COTL1: variants seen among roughly 807,000 people sequenced by gnomAD.
COTL1 encodes the protein coactosin like F-actin binding protein 1, also known as coactosin-like protein.
COTL1 carries 15 observed loss-of-function variants against 16.5 expected under a neutral mutation model. The observed-to-expected ratio is 0.91, with a 90% confidence interval of 0.61 to 1.40. The LOEUF (loss-of-function observed/expected upper bound fraction) is 1.40, where lower values mean the gene tolerates loss of function less well. Ranked by LOEUF, COTL1 falls within the 40% of genes most tolerant of loss-of-function variation. The pLI, the probability that COTL1 is intolerant of heterozygous loss-of-function variation, is 0.00. For missense variants in COTL1, 220 were observed against 201.5 expected, an observed-to-expected ratio of 1.09 and a Z score of -0.56; for synonymous variants, 112 against 85.3, an observed-to-expected ratio of 1.31 and a Z score of -1.73.
rs1253907266 is a variant in COTL1 at position 84,604,450 on chromosome 16, T to C, written c.160+13051A>G. Among the ~76,000 whole-genome samples the C allele has an allele frequency of 2.6e-5, 4 of 151,648 alleles. No individual in the cohort carries two copies. The East Asian group carries it at 7.8e-4, about 30-fold the overall frequency. On this transcript the variant is annotated intron_variant, in intron 2 of 3. Coordinates refer to ENST00000262428, the MANE Select transcript of COTL1 (RefSeq NM_021149.5). ...TTTACACAGCATGAACTGCACCCTG[T>C]GAAAGTGGACATTTCAGTGGGTTTC... is the stretch of plus-strand genomic sequence containing the variant.
chr16:84,604,858 G>T (rs1905180705), intron 2 of COTL1, among the ~76,000 whole-genome samples: 1 of 152,250 alleles, frequency 6.6e-6, no homozygotes, highest in Non-Finnish European at 1.5e-5. Flanking sequence ...TGCAAGCCAT[G>T]AACAATACAC....
chr16:84,567,260 G>T, intron 3 of COTL1: 2 of 285,314 alleles, frequency 7.0e-6, no homozygotes, highest in Non-Finnish European at 1.3e-5. Context: ...CTGTTACCTT[G>T]GCCAAGTCCC....
At chr16:84,603,649 A>G (rs538567496) in intron 2 of COTL1, among the ~76,000 whole-genome samples, 59 of 152,264 alleles carry the variant, frequency 3.9e-4, no homozygotes, top group Admixed American at 1.4e-3. Flanking sequence ...GCAACAGACT[A>G]TGAAGCGAAT....
At chr16:84,568,537 A>C (rs1904308661) in intron 3 of COTL1, 1 of 152,266 alleles carries the variant, frequency 6.6e-6, no homozygotes, top group African/African-American at 2.4e-5. Flanking sequence ...TGAGTGAAAG[A>C]AGCCAGGCAT....
At chr16:84,584,173 C>T (rs1904665555) in intron 3 of COTL1, among the ~76,000 whole-genome samples, 1 of 152,228 alleles carries the variant, frequency 6.6e-6, no homozygotes, top group South Asian at 2.1e-4. Context: ...ACAGCTGTGG[C>T]CAGCCAGCCG....
chr16:84,584,572 G>A (rs944365635), intron 3 of COTL1, among the ~76,000 whole-genome samples: 1 of 152,158 alleles, frequency 6.6e-6, no homozygotes, highest in African/African-American at 2.4e-5. Flanking sequence ...CTTCCTGTGT[G>A]GCTGACGGCT....
intron 2 of COTL1, among the ~76,000 whole-genome samples, chr16:84,600,645 G>A (rs1291357431): frequency 1.3e-5 from 2 of 152,210 alleles, no homozygotes; most frequent in Admixed American, 6.5e-5. Context: ...TCCGCATTGT[G>A]TGGGTATCTG....
At chr16:84,612,013 G>T (rs1364054334) in intron 2 of COTL1, among the ~76,000 whole-genome samples, 1 of 152,102 alleles carries the variant, frequency 6.6e-6, no homozygotes, top group Non-Finnish European at 1.5e-5. Context: ...CTCCAGCCCA[G>T]CTCAGCACCC....
intron 2 of COTL1, among the ~76,000 whole-genome samples, chr16:84,597,189 G>C (rs1377760889): frequency 6.6e-6 from 1 of 152,194 alleles, no homozygotes; most frequent in Non-Finnish European, 1.5e-5. Context: ...CCTTCTGTGA[G>C]TCTTTCTTGA....
In COTL1 at chr16:84,590,120, C is replaced by G. The variant is rs778499902; in HGVS notation, c.303G>C (p.Val101=). The change falls in exon 3 of 4, where the codon GTG becomes GTC. Residue 101 remains valine, a synonymous_variant. Transcript: ENST00000262428. The surrounding 1 kb of genome is among the most constrained non-coding windows in gnomAD (Gnocchi z 5.5). ...RAKTGTDKTL[V]KEVVQNFAKE... ...AACTCAGTACCTGTACGACCTCCTTCACCAGGGTCTTGTCCGTCCCGGTTT... is the reference window on the plus strand; with the variant it reads ...AACTCAGTACCTGTACGACCTCCTTGACCAGGGTCTTGTCCGTCCCGGTTT... 5 of 1,613,710 alleles carry G rather than the reference C, an allele frequency of 3.1e-6. No individual in the cohort carries two copies. Among genetic ancestry groups the G allele is most frequent in the Middle Eastern group, 1.6e-4 (1 of 6,082 alleles).
intron 2 of COTL1, among the ~76,000 whole-genome samples, chr16:84,611,374 G>A (rs1020771024): frequency 2.0e-5 from 3 of 152,226 alleles, no homozygotes; most frequent in African/African-American, 4.8e-5. Context: ...TTTTAAACTG[G>A]TATTGCAGAA....
chr16:84,586,595 T>C (rs1051363568), intron 3 of COTL1, among the ~76,000 whole-genome samples: 3 of 152,208 alleles, frequency 2.0e-5, no homozygotes, highest in African/African-American at 7.2e-5. Flanking sequence ...TTATTGTATT[T>C]TACAATTTTT....
At position 84,600,537 on chromosome 16, in the gene COTL1, C is replaced by A. The variant is rs576149280; in HGVS notation, c.161-10275G>T. Among the ~76,000 whole-genome samples the A allele has an allele frequency of 3.3e-5, 5 of 152,228 alleles. No individual in the cohort carries two copies. In the East Asian group the frequency reaches 5.8e-4, roughly 18 times the overall value. Reference sequence around the variant, plus strand: ...CGTGTTGGCCAGGCTGATCTCGAACCCCTGACCTCAGGTGAACTGCCCGCC... The same window carrying A: ...CGTGTTGGCCAGGCTGATCTCGAACACCTGACCTCAGGTGAACTGCCCGCC... On this transcript the variant is annotated intron_variant, in intron 2 of 3. Coordinates refer to ENST00000262428, the MANE Select transcript of COTL1 (RefSeq NM_021149.5).
chr16:84,589,986 G>A (rs1904821364), intron 3 of COTL1, 119 bp downstream of exon 3: 2 of 978,386 alleles, frequency 2.0e-6, no homozygotes, highest in Non-Finnish European at 3.0e-6. Flanking sequence ...GACATAGCAT[G>A]GCTTGTCCCA....
chr16:84,569,665 G>A (rs1417329451), intron 3 of COTL1, among the ~76,000 whole-genome samples: 2 of 152,204 alleles, frequency 1.3e-5, no homozygotes, highest in African/African-American at 4.8e-5. Context: ...CAGAATGACA[G>A]AACACCCTTG....
At chr16:84,596,808 T>G (rs893028789) in intron 2 of COTL1, 1 of 152,852 alleles carries the variant, frequency 6.5e-6, no homozygotes, top group Non-Finnish European at 1.5e-5. Context: ...CACAGAACAC[T>G]GACGCACCAG....
At chr16:84,580,586 C>G (rs1010602156) in intron 3 of COTL1, among the ~76,000 whole-genome samples, 2 of 152,162 alleles carry the variant, frequency 1.3e-5, no homozygotes, top group Admixed American at 1.3e-4. Flanking sequence ...CTTCCCAGGG[C>G]TCCTCACTGC....
intron 3 of COTL1, 68 bp from the exon 4 acceptor site, chr16:84,567,023 G>A: frequency 2.8e-6 from 3 of 1,079,328 alleles, no homozygotes; most frequent in South Asian, 1.3e-5. Context: ...GGGTGGCTCA[G>A]GCAACACACT....
chr16:84,601,335 C>CTT (rs1905102711), intron 2 of COTL1, among the ~76,000 whole-genome samples: 1 of 152,232 alleles, frequency 6.6e-6, no homozygotes, highest in African/African-American at 2.4e-5. Flanking sequence ...CATGAAATTA[C>CTT]TGCTATGGCA....
Sources: gnomAD v4.1 joint callset for allele counts (sites outside exome capture counted in the v4.1 genomes callset) on GRCh38, gnomAD v4.1.1 for gene constraint, Gnocchi (gnomAD v3.1) non-coding constraint, MANE v1.5 for transcripts, NCBI Gene and HGNC (gene_info 2026-07-23, HGNC 2026-07-21) for gene names.